Variants in CSRP2 observed in about 807,000 individuals in gnomAD.
CSRP2 encodes cysteine and glycine-rich protein 2.
Under a neutral mutation model 24.6 loss-of-function variants are expected in CSRP2, and 18 were observed. That is an observed-to-expected ratio of 0.73 (90% CI 0.51 to 1.09). The LOEUF (loss-of-function observed/expected upper bound fraction) is 1.09. CSRP2 is among the 50% of genes least tolerant of loss of function. CSRP2 has a pLI of 0.00. For missense variants in CSRP2, 215 were observed against 239.4 expected, an observed-to-expected ratio of 0.90 and a Z score of 0.67; for synonymous variants, 87 against 84.3, an observed-to-expected ratio of 1.03 and a Z score of -0.18.
At position 76,874,464 on chromosome 12, in the gene CSRP2, C is replaced by T. The variant is rs11115936; in HGVS notation, c.-2+4474G>A. 8.8e-3 allele frequency among the ~76,000 whole-genome samples: 1,342 copies of T among 152,222 alleles called. 11 individuals carry two copies. The highest frequency in any genetic ancestry group is 0.014 in the Non-Finnish European group (927 of 68,006). On this transcript the variant is annotated intron_variant, in intron 1 of 5. Coordinates refer to ENST00000311083, the MANE Select transcript of CSRP2 (RefSeq NM_001321.3). ...AAATGGATGAGAACTATCTTATAGG[C>T]GGTTGTAAAGATTTAATGAGATAAA...
intron 1 of CSRP2, among the ~76,000 whole-genome samples, chr12:76,874,561 G>A (rs1049119691): frequency 3.4e-5 from 5 of 146,070 alleles, no homozygotes; most frequent in South Asian, 2.1e-4. Flanking sequence ...AGGAGCACTC[G>A]GGGCCTGAAT....
chr12:76,864,444 CATT>C (rs1214568208), intron 2 of CSRP2: 2 of 151,912 alleles, frequency 1.3e-5, no homozygotes, highest in East Asian at 1.9e-4. Context: ...TGTCAACAAT[CATT>C]GTACATTTAA....
At chr12:76,871,584 C>A (rs565104605) in intron 1 of CSRP2, among the ~76,000 whole-genome samples, 2 of 152,082 alleles carry the variant, frequency 1.3e-5, no homozygotes, top group Admixed American at 6.5e-5. Context: ...TCCTGGCTAA[C>A]ACGGTGAAAC....
At chr12:76,873,045 G>A (rs750637513) in intron 1 of CSRP2, among the ~76,000 whole-genome samples, 7 of 152,150 alleles carry the variant, frequency 4.6e-5, no homozygotes. Context: ...AAATCTATAT[G>A]TTACCATTTA....
At chr12:76,866,099 G>C (rs1447612011) in intron 2 of CSRP2, 50 bp downstream of exon 2, 1 of 1,393,714 alleles carries the variant, frequency 7.2e-7, no homozygotes, top group Non-Finnish European at 1.0e-6. Context: ...ACATATTGAA[G>C]CTCTGTACAT....
intron 1 of CSRP2, among the ~76,000 whole-genome samples, chr12:76,875,180 G>A (rs1180987626): frequency 8.5e-5 from 13 of 152,048 alleles, no homozygotes; most frequent in African/African-American, 2.7e-4. Context: ...TCCAACTAGC[G>A]GTCAGTAAGT....
At chr12:76,859,671 A>G (rs1443137297) in intron 4 of CSRP2, 31 bp from the exon 5 acceptor site, 2 of 1,537,918 alleles carry the variant, frequency 1.3e-6, no homozygotes, top group East Asian at 4.5e-5. Flanking sequence ...AGCATGTTTG[A>G]GAGGCCTGTT....
Position 76,860,385 on chromosome 12 carries a change from G to A in CSRP2, c.310C>T (p.Pro104Ser), listed in dbSNP as rs754678842. The part of the protein sequence containing the change: ...SVQPHRPTTN[P>S]NTSKFAQKYG... ...TTCTGAGCAAATTTAGAAGTGTTTG[G>A]ATTTGTTGTAGGCCTGTGAGGCTGA... The change falls in exon 4 of 6, where the codon CCA becomes TCA. Residue 104 changes from proline (P) to serine (S), a missense_variant. Transcript: ENST00000311083. 6.2e-7 allele frequency: 1 copy of A among 1,613,948 alleles called. No individual in the cohort carries two copies. The highest frequency in any genetic ancestry group is 1.1e-5 in the South Asian group (1 of 91,054).
chr12:76,859,481 C>A, intron 5 of CSRP2, 66 bp downstream of exon 5: 11 of 976,036 alleles, frequency 1.1e-5, no homozygotes, highest in African/African-American at 1.7e-5. Flanking sequence ...ATGCCAGTGA[C>A]ATTTCATTAA....
intron 5 of CSRP2, 91 bp downstream of exon 5, chr12:76,859,452 TTTTC>T (rs765311585): frequency 5.4e-4 from 428 of 790,590 alleles, no homozygotes; most frequent in South Asian, 1.7e-3. Flanking sequence ...AGTGGCATAC[TTTTC>T]TTTTTTTTTT....
chr12:76,875,439 G>C (rs1953843706), intron 1 of CSRP2, among the ~76,000 whole-genome samples: 1 of 152,138 alleles, frequency 6.6e-6, no homozygotes, highest in South Asian at 2.1e-4. Flanking sequence ...ATCCCATATT[G>C]TAATTAAAAT....
At chr12:76,877,519 T>C (rs1953863661) in intron 1 of CSRP2, among the ~76,000 whole-genome samples, 1 of 152,250 alleles carries the variant, frequency 6.6e-6, no homozygotes, top group Non-Finnish European at 1.5e-5. Flanking sequence ...TTTCAGTCAA[T>C]TGTCCAAGGT....
intron 1 of CSRP2, among the ~76,000 whole-genome samples, chr12:76,874,714 C>G (rs1473942633): frequency 2.0e-5 from 3 of 152,142 alleles, no homozygotes; most frequent in Non-Finnish European, 4.4e-5. Context: ...GGAGGGTAAG[C>G]GAGCATTACC....
At chr12:76,872,180 TACA>T (rs371596100) in intron 1 of CSRP2, among the ~76,000 whole-genome samples, 1 of 152,250 alleles carries the variant, frequency 6.6e-6, no homozygotes, top group African/African-American at 2.4e-5. Context: ...TATTACATGT[TACA>T]ACGTGATTTA....
intron 1 of CSRP2, among the ~76,000 whole-genome samples, chr12:76,871,366 A>C (rs1953794647): frequency 6.6e-6 from 1 of 152,216 alleles, no homozygotes; most frequent in Admixed American, 6.5e-5. Flanking sequence ...GCAACAAACA[A>C]GGTAAGGACA....
chr12:76,859,757 G>T, intron 4 of CSRP2, 117 bp from the exon 5 acceptor site: 1 of 691,566 alleles, frequency 1.4e-6, no homozygotes, highest in South Asian at 2.1e-5. Context: ...TGACTTCTGT[G>T]GTTCAGCTCC....
chr12:76,874,636 T>C (rs1421275051), intron 1 of CSRP2, among the ~76,000 whole-genome samples: 1 of 152,140 alleles, frequency 6.6e-6, no homozygotes, highest in Non-Finnish European at 1.5e-5. Flanking sequence ...TGGCTGTGTT[T>C]TGTGTTCAGG....
intron 2 of CSRP2, 100 bp from the exon 3 acceptor site, chr12:76,863,444 A>T (rs1435882856): frequency 3.3e-6 from 4 of 1,210,788 alleles, no homozygotes; most frequent in Non-Finnish European, 4.6e-6. Context: ...GTGAAGGCTG[A>T]GGCTCCCTCA....
At position 76,865,909 on chromosome 12, in the gene CSRP2, A is replaced by G; in HGVS notation, c.112+240T>C. Reference sequence around the variant, plus strand: ...TGGGGGAGGCAGATGTGTTAACAAAATAAAGGCCAAAATGGAGGCCAAAAG... The same window carrying G: ...TGGGGGAGGCAGATGTGTTAACAAAGTAAAGGCCAAAATGGAGGCCAAAAG... On this transcript the variant is annotated intron_variant, in intron 2 of 5. Transcript: ENST00000311083. 2.1e-5 allele frequency: 11 copies of G among 522,002 alleles called. No individual in the cohort carries two copies. In the South Asian group the frequency reaches 2.5e-4, roughly 12 times the overall value. 32.3% of individuals were successfully genotyped at this position (522,002 alleles called of 1,614,324 possible).
Sources: gnomAD v4.1 joint callset for allele counts (sites outside exome capture counted in the v4.1 genomes callset) on GRCh38, gnomAD v4.1.1 for gene constraint, MANE v1.5 for transcripts, NCBI Gene and HGNC (gene_info 2026-07-23, HGNC 2026-07-21) for gene names.